NAV3: variants seen among roughly 807,000 people sequenced by gnomAD.
NAV3 encodes the protein neuron navigator 3.
NAV3 carries 87 observed loss-of-function variants against 244.7 expected under a neutral mutation model. The observed-to-expected ratio is 0.36, with a 90% CI of 0.30 to 0.42. The LOEUF (loss-of-function observed/expected upper bound fraction) is 0.42, where lower values mean the gene tolerates loss of function less well. Ranked by LOEUF, NAV3 falls within the 20% of genes least tolerant of loss-of-function variation. NAV3 has a pLI of 1.00. For synonymous variants in NAV3, 1,126 were observed against 1,042.2 expected (o/e 1.08, Z -1.55); for missense variants, 2,663 against 2,893.3 (o/e 0.92, Z 1.83).
intron 2 of NAV3, among the ~76,000 whole-genome samples, chr12:77,798,614 C>A (rs1871548259): frequency 6.6e-6 from 1 of 151,858 alleles, no homozygotes; most frequent in Middle Eastern, 3.2e-3. Context: ...TGTATGAAGC[C>A]TTAATATATA....
intron 2 of NAV3, among the ~76,000 whole-genome samples, chr12:77,588,704 A>G (rs916279966): frequency 1.3e-5 from 2 of 152,192 alleles, no homozygotes; most frequent in African/African-American, 4.8e-5. Context: ...TCCTTATAAT[A>G]GGGACCTTAA....
Position 78,114,979 on chromosome 12 carries a change from C to T in NAV3, c.2637-1793C>T, listed in dbSNP as rs531546374. On this transcript the variant is annotated intron_variant, in intron 12 of 39. Transcript: ENST00000397909. Reference sequence around the variant, plus strand: ...ACAATAATTCTATAAATTTAATTTTCTTTATTTCTGATAGTTACATTTTAG... The same window carrying T: ...ACAATAATTCTATAAATTTAATTTTTTTTATTTCTGATAGTTACATTTTAG... Among the ~76,000 whole-genome samples the T allele has an allele frequency of 7.2e-5, 11 of 152,184 alleles. No individual in the cohort carries two copies. The South Asian group carries it at 2.3e-3, about 32-fold the overall frequency.
intron 2 of NAV3, among the ~76,000 whole-genome samples, chr12:77,634,292 T>C (rs1872057550): frequency 6.6e-6 from 1 of 152,326 alleles, no homozygotes; most frequent in Admixed American, 6.5e-5. Flanking sequence ...CTATGGATCA[T>C]CCTCACCAGC....
chr12:78,002,106 C>A (rs1418889568), intron 7 of NAV3, among the ~76,000 whole-genome samples: 1 of 152,122 alleles, frequency 6.6e-6, no homozygotes, highest in African/African-American at 2.4e-5. Flanking sequence ...CTTAAGAAAT[C>A]ATTCTTTTGT....
At position 77,755,599 on chromosome 12, in the gene NAV3, C is replaced by CCT. The variant is rs1869116003; in HGVS notation, c.72+183333_72+183334insCT. On this transcript the variant is annotated intron_variant, in intron 2 of 8. Coordinates refer to the NAV3 transcript ENST00000550042. ...TTTCCTTTCCTCCCTCCCTCCCTCC[C>CCT]TCCCTCCCTCCCTCCTTCCTTCCTT... Among the ~76,000 whole-genome samples, 4 of 46,306 alleles carry CCT rather than the reference C, an allele frequency of 8.6e-5. No individual in the cohort carries two copies. The South Asian group carries it at 3.3e-3, about 39-fold the overall frequency. The allele number at this position is 46,306 out of a possible 152,430, so 30.4% of individuals were successfully genotyped here.
intron 2 of NAV3, among the ~76,000 whole-genome samples, chr12:77,760,042 A>G (rs561259114): frequency 9.2e-5 from 14 of 152,316 alleles, no homozygotes; most frequent in Admixed American, 5.9e-4. Flanking sequence ...CTCAATGGTG[A>G]TTTGACTATT....
At chr12:78,185,900 C>T (rs751294610) in intron 31 of NAV3, among the ~76,000 whole-genome samples, 2 of 151,876 alleles carry the variant, frequency 1.3e-5, no homozygotes, top group Non-Finnish European at 2.9e-5. Flanking sequence ...ACATGTACCT[C>T]ACATTCATTC....
intron 12 of NAV3, among the ~76,000 whole-genome samples, chr12:78,081,971 A>G (rs1953377089): frequency 6.6e-6 from 1 of 152,002 alleles, no homozygotes; most frequent in African/African-American, 2.4e-5. Context: ...CCCAAATCTC[A>G]TCTTGTAGTT....
chr12:77,640,171 T>C (rs1872344038), intron 2 of NAV3, among the ~76,000 whole-genome samples: 2 of 152,076 alleles, frequency 1.3e-5, no homozygotes, highest in South Asian at 2.1e-4. Flanking sequence ...AAGTAGAAGA[T>C]TGTAATTGCA....
chr12:77,572,031 C>G (rs17791640), exon 2 of NAV3: 4,567 of 154,292 alleles, frequency 0.03, 100 homozygotes, highest in Middle Eastern at 0.12. Context: ...TTATTTTTTC[C>G]ATTCAATCAA....
chr12:77,806,133 A>AT (rs1203706680), intron 2 of NAV3, among the ~76,000 whole-genome samples: 1 of 151,910 alleles, frequency 6.6e-6, no homozygotes, highest in Non-Finnish European at 1.5e-5. Flanking sequence ...GGGTTCATTG[A>AT]TTTTTTGAAG....
intron 12 of NAV3, among the ~76,000 whole-genome samples, chr12:78,114,383 A>T (rs1057030404): frequency 3.3e-5 from 5 of 152,162 alleles, no homozygotes; most frequent in African/African-American, 1.2e-4. Flanking sequence ...GATAATAAAG[A>T]CATACCCAAG....
intron 12 of NAV3, among the ~76,000 whole-genome samples, chr12:78,113,614 T>C (rs1204629836): frequency 1.3e-5 from 2 of 152,152 alleles, no homozygotes; most frequent in African/African-American, 4.8e-5. Context: ...CAAGTCCCTA[T>C]GGTGCATACA....
At chr12:78,008,328 T>A (rs1045190836) in intron 8 of NAV3, among the ~76,000 whole-genome samples, 2 of 152,214 alleles carry the variant, frequency 1.3e-5, no homozygotes, top group African/African-American at 4.8e-5. Context: ...TTATGCATTT[T>A]AAAATATGCA....
At chr12:77,976,065 A>G (rs1868345117) in intron 5 of NAV3, among the ~76,000 whole-genome samples, 1 of 152,210 alleles carries the variant, frequency 6.6e-6, no homozygotes. Flanking sequence ...TATAAAGGTG[A>G]GACTGTACGT....
intron 12 of NAV3, among the ~76,000 whole-genome samples, chr12:78,083,103 T>C (rs1262720660): frequency 6.6e-6 from 1 of 152,242 alleles, no homozygotes; most frequent in Non-Finnish European, 1.5e-5. Flanking sequence ...GGTTGAGCAC[T>C]ACATCTGTTA....
intron 2 of NAV3, among the ~76,000 whole-genome samples, chr12:77,624,305 G>T (rs1871517512): frequency 1.3e-5 from 2 of 152,138 alleles, no homozygotes; most frequent in Non-Finnish European, 2.9e-5. Context: ...AAACAGTAGG[G>T]GATGAGAGAA....
In NAV3 at chr12:78,199,428, C is replaced by T; in HGVS notation, c.6612C>T (p.Asn2204=). 1.2e-6 allele frequency: 2 copies of T among 1,610,520 alleles called. No individual in the cohort carries two copies. The highest frequency in any genetic ancestry group is 4.5e-5 in the East Asian group (2 of 44,720). The change falls in exon 37 of 40, where the codon AAC becomes AAT. Residue 2204 remains asparagine (N), a synonymous_variant. Coordinates refer to ENST00000397909, the MANE Select transcript of NAV3 (RefSeq NM_001024383.2). ...TCATAGAGATAGAAATTGAAAGGAA[C>T]ATTCGCAATAATGACCTAGTCAAAA... is the stretch of plus-strand genomic sequence containing the variant. ...RKLIEIEIER[N]IRNNDLVKII... is the part of the protein sequence containing the mutation.
intron 8 of NAV3, among the ~76,000 whole-genome samples, chr12:78,011,094 A>C (rs1266072670): frequency 6.6e-6 from 1 of 152,192 alleles, no homozygotes; most frequent in Non-Finnish European, 1.5e-5. Context: ...CTAAGACAAA[A>C]TGTCAAGAAT....
Sources: gnomAD v4.1 joint callset for allele counts (sites outside exome capture counted in the v4.1 genomes callset) on GRCh38, gnomAD v4.1.1 for gene constraint, MANE v1.5 for transcripts, NCBI Gene and HGNC (gene_info 2026-07-23, HGNC 2026-07-21) for gene names.